The following KMT5B variants were observed in gnomAD, a reference collection of about 807,000 sequenced individuals.
KMT5B encodes the protein lysine methyltransferase 5B, also known as histone-lysine N-methyltransferase KMT5B.
In KMT5B, 10 loss-of-function variants were observed where a neutral mutation model predicts 83.2. The ratio of observed to expected loss-of-function variants is 0.12; its 90% CI spans 0.07 to 0.20. The LOEUF (loss-of-function observed/expected upper bound fraction) is 0.20. KMT5B is among the 10% of genes least tolerant of loss of function. The pLI, the probability that KMT5B is intolerant of heterozygous loss-of-function variation, is 1.00. For missense variants in KMT5B, 753 were observed against 1,067.2 expected, an observed-to-expected ratio of 0.71 and a Z score of 4.10; for synonymous variants, 349 against 388.8, an observed-to-expected ratio of 0.90 and a Z score of 1.20.
intron 3 of KMT5B, among the ~76,000 whole-genome samples, chr11:68,185,524 T>C (rs916490430): frequency 7.9e-5 from 12 of 152,198 alleles, no homozygotes; most frequent in Non-Finnish European, 1.5e-4. Flanking sequence ...ACTTTTAAAA[T>C]AGAACATGAG....
In KMT5B at chr11:68,171,887, G is replaced by A. The variant is rs540400008; in HGVS notation, c.654-178C>T. 1.2e-4 allele frequency among the ~76,000 whole-genome samples: 18 copies of A among 152,262 alleles called. No individual in the cohort carries two copies. The highest frequency in any genetic ancestry group is 2.4e-4 in the Non-Finnish European group (16 of 68,034). On this transcript the variant is annotated intron_variant, in intron 6 of 10. Transcript: ENST00000304363. The surrounding 1 kb of genome is among the most constrained non-coding windows in gnomAD (Gnocchi z 5.1). ...TTCTCTCCTACCCTGGAGCTCCACA[G>A]CCTTGTGCCATGGTTACTTGTGTAC...
chr11:68,159,156 G>A lies in KMT5B; in HGVS notation c.1190C>T (p.Ser397Phe). 1 of 1,571,296 alleles carries A rather than the reference G, an allele frequency of 6.4e-7. No individual in the cohort carries two copies. Among genetic ancestry groups the A allele is most frequent in the Non-Finnish European group, 8.6e-7 (1 of 1,166,498 alleles). The change falls in exon 11 of 11, where the codon TCT (serine) becomes TTT (phenylalanine). Residue 397 changes from serine (S) to phenylalanine (F), a missense_variant. Around this residue, in one of 9 missense-constraint regions of KMT5B, gnomAD observed 397 missense variants for 395.9 expected, o/e 1.00. Transcript: ENST00000304363. ...GCTATTCTTTTTTACGCCAACTGAA[G>A]ATTTTCGGTTAGAAGCTGTAAGGTT... ...EKNNATSNRK[S>F]SVGVKKNSKS... is the part of the protein sequence containing the mutation.
intron 9 of KMT5B, among the ~76,000 whole-genome samples, chr11:68,170,548 G>A (rs958129430): frequency 7.9e-5 from 12 of 152,174 alleles, no homozygotes; most frequent in African/African-American, 2.9e-4. Context: ...CTCTTGATGA[G>A]ACATAAGAAG....
At chr11:68,211,356 C>T (rs1299505283) in intron 1 of KMT5B, among the ~76,000 whole-genome samples, 1 of 152,134 alleles carries the variant, frequency 6.6e-6, no homozygotes, top group African/African-American at 2.4e-5. Flanking sequence ...AATAAAGGCG[C>T]GAGAGCACTT....
At chr11:68,159,844 A>C (rs558363484) in intron 10 of KMT5B, among the ~76,000 whole-genome samples, 1 of 152,390 alleles carries the variant, frequency 6.6e-6, no homozygotes, top group South Asian at 2.1e-4. Context: ...GAAGAGCTGC[A>C]AAGCTTACTC....
At chr11:68,173,026 C>T (rs1228753644) in intron 6 of KMT5B, among the ~76,000 whole-genome samples, 1 of 152,030 alleles carries the variant, frequency 6.6e-6, no homozygotes, top group African/African-American at 2.4e-5. Context: ...AACTTTTATC[C>T]CTTTTAGCTG....
At chr11:68,211,593 C>T (rs1591097600) in intron 1 of KMT5B, among the ~76,000 whole-genome samples, 1 of 152,326 alleles carries the variant, frequency 6.6e-6, no homozygotes, top group South Asian at 2.1e-4. Context: ...TACTCTGTAC[C>T]TGCCCGTGGG....
chr11:68,209,867 C>CTT (rs368207944), intron 1 of KMT5B, among the ~76,000 whole-genome samples: 18 of 141,388 alleles, frequency 1.3e-4, no homozygotes, highest in South Asian at 4.4e-4. Flanking sequence ...TTCTTTCCCC[C>CTT]TTTTTTTTTT....
At chr11:68,162,688 G>A (rs1020192534) in intron 10 of KMT5B, among the ~76,000 whole-genome samples, 3 of 152,100 alleles carry the variant, frequency 2.0e-5, no homozygotes, top group Non-Finnish European at 2.9e-5. Context: ...TTATGTGTTT[G>A]TCTCTAAACT....
chr11:68,196,462 A>G (rs188359912), intron 1 of KMT5B, among the ~76,000 whole-genome samples: 95 of 148,410 alleles, frequency 6.4e-4, no homozygotes, highest in African/African-American at 2.3e-3. Context: ...GCCCTTGTGT[A>G]TCTAGTATAG....
chr11:68,172,468 G>A (rs751596588), intron 6 of KMT5B, among the ~76,000 whole-genome samples: 4 of 151,416 alleles, frequency 2.6e-5, no homozygotes, highest in East Asian at 1.9e-4. Context: ...ATTTCTTGAC[G>A]TCATGATCCG....
intron 9 of KMT5B, among the ~76,000 whole-genome samples, chr11:68,170,230 T>C (rs1186398391): frequency 6.6e-6 from 1 of 152,230 alleles, no homozygotes; most frequent in Non-Finnish European, 1.5e-5. Context: ...GGTCTGATAC[T>C]TATGTTCTGG....
At chr11:68,203,080 A>T (rs964857924) in intron 1 of KMT5B, among the ~76,000 whole-genome samples, 2 of 151,890 alleles carry the variant, frequency 1.3e-5, no homozygotes, top group African/African-American at 4.8e-5. Flanking sequence ...GGTTCCAGGG[A>T]TTCTCCTGCC....
intron 10 of KMT5B, among the ~76,000 whole-genome samples, chr11:68,163,074 C>T (rs549164298): frequency 6.6e-6 from 1 of 152,294 alleles, no homozygotes; most frequent in African/African-American, 2.4e-5. Context: ...GGACTATGAC[C>T]TAAGTGGGGT....
At chr11:68,181,771 T>G (rs772111337) in intron 3 of KMT5B, among the ~76,000 whole-genome samples, 2 of 152,246 alleles carry the variant, frequency 1.3e-5, no homozygotes, top group Non-Finnish European at 2.9e-5. Flanking sequence ...ATTGAAAACA[T>G]ATACCTTTCA....
intron 1 of KMT5B, among the ~76,000 whole-genome samples, chr11:68,206,386 A>G (rs571068355): frequency 6.6e-6 from 1 of 152,336 alleles, no homozygotes; most frequent in Non-Finnish European, 1.5e-5. Flanking sequence ...AAGTACATCA[A>G]AGATTTTTAC....
chr11:68,187,774 T>G (rs989295409), intron 2 of KMT5B, among the ~76,000 whole-genome samples: 1 of 152,210 alleles, frequency 6.6e-6, no homozygotes, highest in African/African-American at 2.4e-5. Context: ...ATTTTTCCCT[T>G]CAATTTTGTC....
intron 10 of KMT5B, among the ~76,000 whole-genome samples, chr11:68,160,250 C>T (rs2153041918): frequency 6.6e-6 from 1 of 152,316 alleles, no homozygotes; most frequent in East Asian, 1.9e-4. Context: ...GTGACTCAAG[C>T]TTAAGCTGCT....
rs534111399 is a variant in KMT5B, at chr11:68,171,787, C to A, written c.654-78G>T. On this transcript the variant is annotated intron_variant, in intron 6 of 10. Coordinates refer to ENST00000304363, the MANE Select transcript of KMT5B (RefSeq NM_017635.5). The surrounding 1 kb of genome is among the most constrained non-coding windows in gnomAD (Gnocchi z 5.1). The stretch of plus-strand genomic sequence containing the variant: ...GCTTCTTTTAATAAAATAATCCTGA[C>A]AATAAATATCAGAAACTGAAAAGGC... 1.7e-6 allele frequency: 2 copies of A among 1,185,696 alleles called. No individual in the cohort carries two copies. The highest frequency in any genetic ancestry group is 3.0e-5 in the South Asian group (2 of 65,744). The allele number at this position is 1,185,696 out of a possible 1,614,324, so 73.4% of individuals were successfully genotyped here.
Sources: allele counts gnomAD v4.1 joint callset (sites outside exome capture counted in the v4.1 genomes callset), GRCh38; gene constraint gnomAD v4.1.1; regional missense constraint gnomAD v4.1.1; non-coding constraint Gnocchi (gnomAD v3.1); transcripts MANE v1.5; gene names NCBI Gene and HGNC (gene_info 2026-07-23, HGNC 2026-07-21).